Variants in EHBP1 observed in about 807,000 individuals in gnomAD.
EHBP1 encodes the protein EH domain binding protein 1, also known as EH domain-binding protein 1.
EHBP1 carries 55 observed loss-of-function variants against 144.0 expected under a neutral mutation model. The observed-to-expected ratio is 0.38, with a 90% CI of 0.31 to 0.48. The LOEUF (loss-of-function observed/expected upper bound fraction) is 0.48, where lower values mean the gene tolerates loss of function less well. Ranked by LOEUF, EHBP1 falls within the 20% of genes least tolerant of loss-of-function variation. EHBP1 has a pLI of 0.98. For synonymous variants in EHBP1, 469 were observed against 472.7 expected, an observed-to-expected ratio of 0.99 and a Z score of 0.10; for missense variants, 1,200 against 1,364.2, an observed-to-expected ratio of 0.88 and a Z score of 1.90.
chr2:63,041,842 G>A (rs1383566686), intron 21 of EHBP1, among the ~76,000 whole-genome samples: 4 of 152,150 alleles, frequency 2.6e-5, no homozygotes, highest in Non-Finnish European at 5.9e-5. Flanking sequence ...CTTATTTATA[G>A]TGGCAAGGTT....
At chr2:62,924,611 A>G (rs1301871492) in intron 10 of EHBP1, among the ~76,000 whole-genome samples, 1 of 152,222 alleles carries the variant, frequency 6.6e-6, no homozygotes, top group Non-Finnish European at 1.5e-5. Context: ...CCTAGAGGAA[A>G]TGGATAAATT....
At position 62,787,110 on chromosome 2, in the gene EHBP1, G is replaced by A. The variant is rs187860244; in HGVS notation, c.312+15718G>A. Reference sequence around the variant, plus strand: ...CAAGACGCTGTCTTTCTTTAAGTATGTGCACTATTATTGCTTATTTTCAGA... The same window carrying A: ...CAAGACGCTGTCTTTCTTTAAGTATATGCACTATTATTGCTTATTTTCAGA... On this transcript the variant is annotated intron_variant, in intron 5 of 22. Transcript: ENST00000431489. Among the ~76,000 whole-genome samples the A allele has an allele frequency of 4.4e-4, 67 of 152,180 alleles. No individual in the cohort carries two copies. The East Asian group carries it at 0.011, about 24-fold the overall frequency.
intron 7 of EHBP1, among the ~76,000 whole-genome samples, chr2:62,851,979 T>G (rs2048720322): frequency 6.6e-6 from 1 of 152,206 alleles, no homozygotes; most frequent in African/African-American, 2.4e-5. Flanking sequence ...TCTAAGCATT[T>G]GGAAAAATAA....
chr2:62,828,441 AAG>A (rs936422833), intron 6 of EHBP1, among the ~76,000 whole-genome samples: 1 of 152,254 alleles, frequency 6.6e-6, no homozygotes, highest in Non-Finnish European at 1.5e-5. Context: ...CATTTAAAAA[AAG>A]TTCAGATTTA....
At chr2:62,763,651 A>G (rs1049835357) in intron 3 of EHBP1, among the ~76,000 whole-genome samples, 1 of 152,188 alleles carries the variant, frequency 6.6e-6, no homozygotes, top group African/African-American at 2.4e-5. Flanking sequence ...AGGAAGAACT[A>G]TGGTGGTTAC....
intron 13 of EHBP1, among the ~76,000 whole-genome samples, chr2:62,952,206 C>G (rs1224768920): frequency 6.6e-6 from 1 of 152,144 alleles, no homozygotes; most frequent in African/African-American, 2.4e-5. Context: ...TTTATTGACA[C>G]TGGATTGGCA....
intron 3 of EHBP1, among the ~76,000 whole-genome samples, chr2:62,755,184 G>A (rs1391986069): frequency 1.3e-5 from 2 of 152,170 alleles, no homozygotes; most frequent in Non-Finnish European, 2.9e-5. Context: ...ACCCTCAGAG[G>A]TGAACACTGT....
intron 2 of EHBP1, chr2:62,726,803 A>G (rs1339642969): frequency 1.3e-5 from 2 of 151,942 alleles, no homozygotes; most frequent in Non-Finnish European, 2.9e-5. Context: ...ACACTATAAA[A>G]TCCTCCCATC....
intron 10 of EHBP1, among the ~76,000 whole-genome samples, chr2:62,914,539 A>G (rs2054461991): frequency 6.6e-6 from 1 of 152,052 alleles, no homozygotes; most frequent in Admixed American, 6.6e-5. Context: ...TCCCCAGTCA[A>G]TGTTAGGAAA....
chr2:63,031,568 A>G (rs1448772560), intron 19 of EHBP1, among the ~76,000 whole-genome samples: 1 of 152,202 alleles, frequency 6.6e-6, no homozygotes, highest in African/African-American at 2.4e-5. Flanking sequence ...TGAGTCATTT[A>G]CCTTTAAAGG....
In EHBP1 at chr2:62,951,535, G is replaced by T. The variant is rs866277686; in HGVS notation, c.2316+2373G>T. On this transcript the variant is annotated intron_variant, in intron 13 of 22. Transcript: ENST00000431489. ...ACAAATTTTTCTTTTTTTTTTTTTT[G>T]GGGGGGGGGGGTGGAGTCTTGCCCT... Among the ~76,000 whole-genome samples the T allele has an allele frequency of 6.2e-3, 376 of 60,362 alleles. 1 individual carries two copies. The highest frequency in any genetic ancestry group is 0.015 in the Middle Eastern group (2 of 134). The allele number at this position is 60,362 out of a possible 152,430, so 39.6% of individuals were successfully genotyped here.
chr2:62,783,391 C>T (rs1227224238), intron 5 of EHBP1, among the ~76,000 whole-genome samples: 1 of 152,214 alleles, frequency 6.6e-6, no homozygotes, highest in Non-Finnish European at 1.5e-5. Context: ...TGTGTAGGGG[C>T]TCCAACCTGA....
intron 2 of EHBP1, among the ~76,000 whole-genome samples, chr2:62,718,161 A>G (rs2035870136): frequency 6.6e-6 from 1 of 152,192 alleles, no homozygotes. Context: ...CCATTCATGA[A>G]GACTTTTTAT....
chr2:63,035,181 T>A (rs1294060566), intron 19 of EHBP1, among the ~76,000 whole-genome samples: 1 of 152,058 alleles, frequency 6.6e-6, no homozygotes, highest in Admixed American at 6.6e-5. Context: ...TAATGATGTA[T>A]TAGAAGAAAT....
At chr2:63,030,177 G>A (rs2061172981) in intron 19 of EHBP1, among the ~76,000 whole-genome samples, 1 of 152,106 alleles carries the variant, frequency 6.6e-6, no homozygotes, top group South Asian at 2.1e-4. Flanking sequence ...ATATCTACAG[G>A]AGTTTCTCAG....
At chr2:62,978,745 G>T (rs2058828033) in intron 14 of EHBP1, among the ~76,000 whole-genome samples, 1 of 152,056 alleles carries the variant, frequency 6.6e-6, no homozygotes, top group Non-Finnish European at 1.5e-5. Context: ...TATAGTATTT[G>T]ATCAGCATAG....
chr2:62,845,299 G>C (rs988648479), intron 7 of EHBP1, among the ~76,000 whole-genome samples: 1 of 152,092 alleles, frequency 6.6e-6, no homozygotes. Flanking sequence ...AATCAGGTTT[G>C]ATTTTTACCA....
intron 5 of EHBP1, among the ~76,000 whole-genome samples, chr2:62,809,317 A>C (rs539265951): frequency 6.8e-6 from 1 of 147,216 alleles, no homozygotes; most frequent in Non-Finnish European, 1.5e-5. Context: ...AAAAAAAAAC[A>C]AGAAGAGCAC....
At chr2:63,020,979 C>CCTT (rs1309798433) in intron 19 of EHBP1, among the ~76,000 whole-genome samples, 1 of 88,094 alleles carries the variant, frequency 1.1e-5, no homozygotes, top group Non-Finnish European at 2.3e-5. Flanking sequence ...TGCCTGGCCT[C>CCTT]ATTTTTTTTT....
Sources: allele counts gnomAD v4.1 joint callset (sites outside exome capture counted in the v4.1 genomes callset), GRCh38; gene constraint gnomAD v4.1.1; transcripts MANE v1.5; gene names NCBI Gene and HGNC (gene_info 2026-07-23, HGNC 2026-07-21).